CDH12: variants seen among roughly 807,000 people sequenced by gnomAD.
CDH12 encodes the protein cadherin-12.
A neutral mutation model predicts 74.1 loss-of-function variants in CDH12; 41 were observed. The ratio of observed to expected loss-of-function variants is 0.55; its 90% CI spans 0.43 to 0.72. CDH12 has a LOEUF of 0.72. Among genes scored for constraint, CDH12 ranks in the 30% least tolerant of loss-of-function variants. The pLI is 0.00. For missense variants in CDH12, 945 were observed against 977.2 expected (o/e 0.97, Z 0.44); for synonymous variants, 399 against 355.0 (o/e 1.12, Z -1.39).
chr5:22,264,443 TAG>T (rs1190563351), intron 3 of CDH12, among the ~76,000 whole-genome samples: 2 of 152,162 alleles, frequency 1.3e-5, no homozygotes, highest in African/African-American at 2.4e-5. Context: ...TTATTTTTAG[TAG>T]AGTTAATGAC....
At chr5:22,050,244 C>A (rs576465764) in intron 5 of CDH12, among the ~76,000 whole-genome samples, 2 of 152,174 alleles carry the variant, frequency 1.3e-5, no homozygotes, top group South Asian at 4.1e-4. Context: ...TTTGTCTGAA[C>A]TCTCCTTCCC....
chr5:22,212,044 A>G (rs1263003073), intron 4 of CDH12, among the ~76,000 whole-genome samples: 22 of 151,138 alleles, frequency 1.5e-4, no homozygotes, highest in Admixed American at 1.4e-3. Flanking sequence ...AAATCCTTAA[A>G]CCAAAAGGGA....
intron 1 of CDH12, among the ~76,000 whole-genome samples, chr5:22,671,053 C>T (rs1297885760): frequency 1.3e-5 from 2 of 151,420 alleles, no homozygotes; most frequent in Non-Finnish European, 2.9e-5. Flanking sequence ...AATGACAAAA[C>T]TATAACAGAA....
chr5:22,729,251 C>A (rs72748717), intron 1 of CDH12, among the ~76,000 whole-genome samples: 34,746 of 151,592 alleles, frequency 0.23, 4,442 homozygotes, highest in South Asian at 0.3. Flanking sequence ...GTTTCAGGAT[C>A]CTTTCCAAAT....
At chr5:22,206,797 T>C (rs1751247296) in intron 4 of CDH12, among the ~76,000 whole-genome samples, 2 of 149,882 alleles carry the variant, frequency 1.3e-5, no homozygotes, top group Admixed American at 1.3e-4. Context: ...TTTGTCAAAA[T>C]TTATAATTAG....
chr5:22,708,528 G>A (rs1208140129), intron 1 of CDH12, among the ~76,000 whole-genome samples: 2 of 152,114 alleles, frequency 1.3e-5, no homozygotes, highest in Non-Finnish European at 2.9e-5. Flanking sequence ...AGCCTCCTGA[G>A]ACAAAGGGTA....
In CDH12 at chr5:22,426,090, C is replaced by T. The variant is rs926459924; in HGVS notation, c.-427-20739G>A. Among the ~76,000 whole-genome samples the T allele has an allele frequency of 5.3e-5, 8 of 150,408 alleles. 1 individual carries two copies. The South Asian group carries it at 8.4e-4, about 16-fold the overall frequency. On this transcript the variant is annotated intron_variant, in intron 2 of 14. Transcript: ENST00000382254. ...TAGTTCCAGCTACTCAGGAGGCTGACGCAGGAGAATTGCTTGAACCTGGGA... is the reference window on the plus strand; with the variant it reads ...TAGTTCCAGCTACTCAGGAGGCTGATGCAGGAGAATTGCTTGAACCTGGGA...
At chr5:22,727,370 CTTA>C (rs753864479) in intron 1 of CDH12, among the ~76,000 whole-genome samples, 16 of 151,732 alleles carry the variant, frequency 1.1e-4, no homozygotes, top group Non-Finnish European at 1.9e-4. Context: ...CTCCTTCTAT[CTTA>C]TTATTAACTT....
chr5:22,371,439 A>G (rs1285789704), intron 3 of CDH12, among the ~76,000 whole-genome samples: 1 of 152,202 alleles, frequency 6.6e-6, no homozygotes, highest in East Asian at 1.9e-4. Flanking sequence ...CTATTTTTAA[A>G]TTTGAAAATA....
chr5:22,529,235 G>A (rs1156265736), intron 1 of CDH12, among the ~76,000 whole-genome samples: 3 of 149,208 alleles, frequency 2.0e-5, no homozygotes, highest in African/African-American at 7.4e-5. Flanking sequence ...AAGAGAGAGA[G>A]AGAGATTTAT....
chr5:22,174,585 G>A (rs1749223586), intron 4 of CDH12, among the ~76,000 whole-genome samples: 1 of 151,872 alleles, frequency 6.6e-6, no homozygotes, highest in Non-Finnish European at 1.5e-5. Flanking sequence ...GGTAAGAAAT[G>A]GAATGATTAA....
At chr5:21,849,494 T>C (rs764433033) in intron 7 of CDH12, among the ~76,000 whole-genome samples, 2 of 151,800 alleles carry the variant, frequency 1.3e-5, no homozygotes, top group Non-Finnish European at 2.9e-5. Context: ...TCTTAATAAT[T>C]ATTTATTTCC....
intron 1 of CDH12, among the ~76,000 whole-genome samples, chr5:22,846,248 G>A (rs1737296556): frequency 6.6e-6 from 1 of 152,172 alleles, no homozygotes; most frequent in South Asian, 2.1e-4. Flanking sequence ...AACAAGTTGG[G>A]TTTCAAGTGA....
intron 5 of CDH12, among the ~76,000 whole-genome samples, chr5:22,059,413 A>T (rs1377939817): frequency 6.6e-6 from 1 of 151,506 alleles, no homozygotes; most frequent in Non-Finnish European, 1.5e-5. Flanking sequence ...TTTTAAAGCT[A>T]TACCACTGGT....
chr5:21,797,178 T>C (rs914561382), intron 10 of CDH12, among the ~76,000 whole-genome samples: 50 of 151,736 alleles, frequency 3.3e-4, no homozygotes, highest in African/African-American at 1.2e-3. Context: ...CTCTTTGCTG[T>C]GCTTAGTGAT....
intron 2 of CDH12, among the ~76,000 whole-genome samples, chr5:22,500,804 C>T (rs1416757028): frequency 6.6e-6 from 1 of 152,146 alleles, no homozygotes; most frequent in African/African-American, 2.4e-5. Flanking sequence ...AGAGCATCTA[C>T]AACTGTGTGG....
chr5:22,751,735 A>G (rs1379133287), intron 1 of CDH12, among the ~76,000 whole-genome samples: 1 of 152,200 alleles, frequency 6.6e-6, no homozygotes, highest in Non-Finnish European at 1.5e-5. Flanking sequence ...GTTGCCAGCT[A>G]GCAAAACACA....
intron 4 of CDH12, among the ~76,000 whole-genome samples, chr5:22,123,368 T>A (rs975475314): frequency 6.6e-6 from 1 of 152,202 alleles, no homozygotes; most frequent in Non-Finnish European, 1.5e-5. Context: ...CCACCTAGTC[T>A]ATGGTAGTTT....
intron 2 of CDH12, among the ~76,000 whole-genome samples, chr5:22,453,287 T>G (rs1292197488): frequency 2.6e-5 from 4 of 152,118 alleles, no homozygotes; most frequent in African/African-American, 9.6e-5. Flanking sequence ...TGTAGTCCTG[T>G]ATTTATTGCA....
Sources: gnomAD v4.1 joint callset for allele counts (sites outside exome capture counted in the v4.1 genomes callset) on GRCh38, gnomAD v4.1.1 for gene constraint, MANE v1.5 for transcripts, NCBI Gene and HGNC (gene_info 2026-07-23, HGNC 2026-07-21) for gene names.